Variants in PEAK1 observed in about 807,000 individuals in gnomAD.
PEAK1 encodes inactive tyrosine-protein kinase PEAK1.
PEAK1 carries 54 observed loss-of-function variants against 124.7 expected under a neutral mutation model. The ratio of observed to expected loss-of-function variants is 0.43; its 90% CI spans 0.35 to 0.54. The LOEUF (loss-of-function observed/expected upper bound fraction) is 0.54, where lower values mean the gene tolerates loss of function less well. PEAK1 is among the 20% of genes least tolerant of loss of function. The pLI, the probability that PEAK1 is intolerant of heterozygous loss-of-function variation, is 0.01. For missense variants in PEAK1, 2,046 were observed against 2,134.5 expected (o/e 0.96, Z 0.82); for synonymous variants, 719 against 760.0 (o/e 0.95, Z 0.89).
At chr15:77,348,213 T>C (rs542619248) in intron 2 of PEAK1, 1 of 972,512 alleles carries the variant, frequency 1.0e-6, no homozygotes, top group East Asian at 1.2e-4. Context: ...AAGACTGGGA[T>C]CAGAGACCCA....
chr15:77,268,323 A>T (rs1383450148), intron 5 of PEAK1, among the ~76,000 whole-genome samples: 1 of 152,082 alleles, frequency 6.6e-6, no homozygotes, highest in Non-Finnish European at 1.5e-5. Flanking sequence ...AAAATACACA[A>T]ATTAGCTGGG....
chr15:77,207,138 G>A (rs964309489), intron 6 of PEAK1, among the ~76,000 whole-genome samples: 3 of 152,056 alleles, frequency 2.0e-5, no homozygotes, highest in South Asian at 2.1e-4. Flanking sequence ...AGACTTAAAC[G>A]TTAGATCTAA....
At chr15:77,413,439 C>T (rs1372087889) in intron 1 of PEAK1, among the ~76,000 whole-genome samples, 1 of 152,174 alleles carries the variant, frequency 6.6e-6, no homozygotes, top group Admixed American at 6.5e-5. Flanking sequence ...TCATGCACCT[C>T]CTGTATGAAA....
intron 7 of PEAK1, among the ~76,000 whole-genome samples, chr15:77,167,759 T>A (rs2056209427): frequency 6.6e-6 from 1 of 151,994 alleles, no homozygotes; most frequent in Admixed American, 6.6e-5. Context: ...TCATTATACT[T>A]TAAGTTCTAG....
chr15:77,264,540 T>C (rs1050391311), intron 5 of PEAK1, among the ~76,000 whole-genome samples: 183 of 152,046 alleles, frequency 1.2e-3, no homozygotes, highest in African/African-American at 3.7e-3. Flanking sequence ...AGGAATCCAA[T>C]TTACAAGGGA....
chr15:77,349,737 T>C, intron 2 of PEAK1: 1 of 985,246 alleles, frequency 1.0e-6, no homozygotes, highest in Non-Finnish European at 1.2e-6. Context: ...GGTCAATCAT[T>C]CTTAGACTTA....
At chr15:77,282,485 T>C (rs1371713375) in intron 5 of PEAK1, among the ~76,000 whole-genome samples, 1 of 152,218 alleles carries the variant, frequency 6.6e-6, no homozygotes, top group East Asian at 1.9e-4. Context: ...CCATGCCTTC[T>C]GAATCACAAG....
At chr15:77,217,832 C>T (rs1413092232) in intron 6 of PEAK1, among the ~76,000 whole-genome samples, 1 of 151,962 alleles carries the variant, frequency 6.6e-6, no homozygotes, top group Non-Finnish European at 1.5e-5. Context: ...TTTTGGAAGT[C>T]TCTTCATATT....
chr15:77,227,454 T>C lies in PEAK1; in HGVS notation c.-115+24913A>G, dbSNP rs549189947. Among the ~76,000 whole-genome samples the C allele has an allele frequency of 1.1e-4, 16 of 152,202 alleles. No homozygotes were observed. In the South Asian group the frequency reaches 3.1e-3, roughly 30 times the overall value. On this transcript the variant is annotated intron_variant, in intron 6 of 9. Coordinates refer to ENST00000682557, the MANE Select transcript of PEAK1 (RefSeq NM_001385026.1). ...AGGAAAAGTAGAAGTAAGAGCAATA[T>C]TGCTCTAATATATTAATATAGCACA... is the stretch of plus-strand genomic sequence containing the variant.
rs76743629 is a variant in PEAK1, at chr15:77,253,162, T to C, written c.-274-636A>G. 1.9e-3 allele frequency among the ~76,000 whole-genome samples: 275 copies of C among 148,240 alleles called. 6 individuals are homozygous for C. The East Asian group carries it at 0.052, about 28-fold the overall frequency. On this transcript the variant is annotated intron_variant, in intron 5 of 9. Coordinates refer to ENST00000682557, the MANE Select transcript of PEAK1 (RefSeq NM_001385026.1). ...AAAATAACTGAGTTATTGTATACTA[T>C]ATACAAGAGGATGTATATAGATTAT...
At chr15:77,151,412 C>T (rs2054613119) in intron 8 of PEAK1, among the ~76,000 whole-genome samples, 3 of 152,002 alleles carry the variant, frequency 2.0e-5, no homozygotes, top group Non-Finnish European at 4.4e-5. Context: ...GGATATTAGC[C>T]CTTTGTCAGA....
At chr15:77,101,104 G>A (rs2050690260) in exon 7 of PEAK1, 1 of 152,456 alleles carries the variant, frequency 6.6e-6, no homozygotes, top group Non-Finnish European at 1.5e-5. Context: ...ACTTCCCATC[G>A]CAGCCCTGTC....
chr15:77,356,501 C>T (rs2067524904), intron 2 of PEAK1, among the ~76,000 whole-genome samples: 1 of 152,162 alleles, frequency 6.6e-6, no homozygotes, highest in Admixed American at 6.5e-5. Context: ...CCAGCAATTA[C>T]ATTCATAGGT....
intron 1 of PEAK1, chr15:77,370,831 AC>A: frequency 1.4e-6 from 1 of 717,970 alleles, no homozygotes; most frequent in Non-Finnish European, 1.7e-6. Flanking sequence ...GGAGTTCGAG[AC>A]CATCCTGGCC....
chr15:77,121,690 A>G (rs149649376), intron 9 of PEAK1, among the ~76,000 whole-genome samples: 373 of 152,300 alleles, frequency 2.4e-3, no homozygotes, highest in Middle Eastern at 6.8e-3. Flanking sequence ...AAAATATTCT[A>G]CATTAGCTCT....
intron 6 of PEAK1, among the ~76,000 whole-genome samples, chr15:77,243,443 T>C (rs16968730): frequency 0.36 from 54,926 of 152,040 alleles, 10,070 homozygotes; most frequent in Non-Finnish European, 0.38. Context: ...TCTTTCCACT[T>C]TCAGGAAAAA....
chr15:77,196,587 A>G (rs1167634515), intron 6 of PEAK1, among the ~76,000 whole-genome samples: 1 of 152,180 alleles, frequency 6.6e-6, no homozygotes. Flanking sequence ...TACATAAAAC[A>G]TGGGCTTTGG....
chr15:77,300,190 A>G (rs142930521), intron 2 of PEAK1, among the ~76,000 whole-genome samples: 123 of 152,314 alleles, frequency 8.1e-4, no homozygotes, highest in Non-Finnish European at 1.5e-3. Context: ...GAAGGTCAGT[A>G]ATACGAAAGC....
intron 8 of PEAK1, among the ~76,000 whole-genome samples, chr15:77,140,668 T>G (rs1428633700): frequency 6.6e-6 from 1 of 151,810 alleles, no homozygotes; most frequent in Non-Finnish European, 1.5e-5. Context: ...TGGAAATTTC[T>G]CCTGTAATAT....
Sources: gnomAD v4.1 joint callset for allele counts (sites outside exome capture counted in the v4.1 genomes callset) on GRCh38, gnomAD v4.1.1 for gene constraint, MANE v1.5 for transcripts, NCBI Gene and HGNC (gene_info 2026-07-23, HGNC 2026-07-21) for gene names.